The following MEI4 variants were observed in gnomAD, a reference collection of about 807,000 sequenced individuals.
MEI4 encodes the protein meiosis-specific protein MEI4.
Under a neutral mutation model 31.4 loss-of-function variants are expected in MEI4, and 27 were observed. That is an observed-to-expected ratio of 0.86 (90% CI 0.63 to 1.19). The LOEUF (loss-of-function observed/expected upper bound fraction) is 1.19. Among genes scored for constraint, MEI4 ranks in the 50% most tolerant of loss-of-function variants. MEI4 has a pLI of 0.00. For synonymous variants in MEI4, 122 were observed against 145.4 expected (o/e 0.84, Z 1.16); for missense variants, 329 against 398.9 (o/e 0.82, Z 1.49).
chr6:77,875,414 G>T (rs369504682), intron 4 of MEI4, among the ~76,000 whole-genome samples: 1 of 152,164 alleles, frequency 6.6e-6, no homozygotes. Context: ...AGGTCACTAT[G>T]TGATACGTGT....
chr6:77,857,911 G>A (rs1048371647), intron 4 of MEI4, among the ~76,000 whole-genome samples: 1 of 152,188 alleles, frequency 6.6e-6, no homozygotes, highest in Non-Finnish European at 1.5e-5. Context: ...CTTCTGATCA[G>A]ATGTACTCTG....
chr6:77,742,035 T>C (rs1219825262), intron 2 of MEI4, among the ~76,000 whole-genome samples: 1 of 152,050 alleles, frequency 6.6e-6, no homozygotes, highest in Admixed American at 6.5e-5. Flanking sequence ...GACATTTGGC[T>C]TGGTTCCAAG....
intron 3 of MEI4, among the ~76,000 whole-genome samples, chr6:77,793,917 G>A (rs1450336421): frequency 2.0e-5 from 3 of 152,084 alleles, no homozygotes; most frequent in Non-Finnish European, 4.4e-5. Flanking sequence ...TTAACAAAAT[G>A]GAAATAGTAA....
intron 4 of MEI4, among the ~76,000 whole-genome samples, chr6:77,866,538 G>T (rs759380540): frequency 6.6e-6 from 1 of 152,136 alleles, no homozygotes; most frequent in Non-Finnish European, 1.5e-5. Flanking sequence ...AGGACCTCTT[G>T]AAGGAGAACT....
intron 2 of MEI4, among the ~76,000 whole-genome samples, chr6:77,759,021 C>G (rs552574867): frequency 6.6e-6 from 1 of 152,242 alleles, no homozygotes; most frequent in Non-Finnish European, 1.5e-5. Flanking sequence ...CCTGTCTAAT[C>G]GATCAAAACT....
At chr6:77,793,459 C>T (rs1768993096) in intron 3 of MEI4, among the ~76,000 whole-genome samples, 1 of 152,114 alleles carries the variant, frequency 6.6e-6, no homozygotes, top group African/African-American at 2.4e-5. Flanking sequence ...TGATAAAACT[C>T]ACTGGAAAAG....
chr6:77,834,711 T>A (rs1264712127), intron 4 of MEI4, among the ~76,000 whole-genome samples: 1 of 152,068 alleles, frequency 6.6e-6, no homozygotes, highest in South Asian at 2.1e-4. Flanking sequence ...TAAGACTGAT[T>A]AACAAAATTG....
At chr6:77,697,806 A>C (rs1157178065) in intron 2 of MEI4, among the ~76,000 whole-genome samples, 1 of 152,146 alleles carries the variant, frequency 6.6e-6, no homozygotes, top group South Asian at 2.1e-4. Context: ...AGCTGAGTTC[A>C]ATTCCTGGGT....
intron 4 of MEI4, among the ~76,000 whole-genome samples, chr6:77,876,516 TC>T (rs1255252748): frequency 6.6e-6 from 1 of 152,182 alleles, no homozygotes; most frequent in Non-Finnish European, 1.5e-5. Context: ...CAAAAAAACT[TC>T]TGTTCTTTAT....
intron 3 of MEI4, among the ~76,000 whole-genome samples, chr6:77,791,247 C>T (rs1171138946): frequency 6.6e-6 from 1 of 152,068 alleles, no homozygotes; most frequent in African/African-American, 2.4e-5. Flanking sequence ...TTTATTGCGG[C>T]ATTATTCACG....
intron 3 of MEI4, among the ~76,000 whole-genome samples, chr6:77,823,135 C>G (rs535034015): frequency 1.2e-4 from 19 of 152,028 alleles, no homozygotes; most frequent in Admixed American, 2.6e-4. Flanking sequence ...TCCTCCCTTA[C>G]AGGGAATCTT....
At chr6:77,744,266 G>C (rs139073556) in intron 2 of MEI4, among the ~76,000 whole-genome samples, 3,446 of 152,146 alleles carry the variant, frequency 0.023, 131 homozygotes, top group African/African-American at 0.078. Flanking sequence ...ATACAGAGAA[G>C]TACTTAAAGG....
At chr6:77,791,278 A>T (rs543815404) in intron 3 of MEI4, among the ~76,000 whole-genome samples, 1 of 152,294 alleles carries the variant, frequency 6.6e-6, no homozygotes, top group East Asian at 1.9e-4. Flanking sequence ...CTTGGAACCA[A>T]GCGAAATCTC....
chr6:77,913,724 T>A (rs1031740838), intron 4 of MEI4, among the ~76,000 whole-genome samples: 1 of 148,524 alleles, frequency 6.7e-6, no homozygotes, highest in Admixed American at 6.7e-5. Flanking sequence ...TTTGTTTAGT[T>A]TTTTTTTTTT....
At chr6:77,909,445 C>A (rs1361910109) in intron 4 of MEI4, among the ~76,000 whole-genome samples, 1 of 152,106 alleles carries the variant, frequency 6.6e-6, no homozygotes, top group Non-Finnish European at 1.5e-5. Flanking sequence ...TGCAAATAAA[C>A]TAGAAAATGT....
chr6:77,733,589 G>C (rs964924112), intron 2 of MEI4, among the ~76,000 whole-genome samples: 27 of 151,950 alleles, frequency 1.8e-4, no homozygotes, highest in East Asian at 1.7e-3. Flanking sequence ...CTCCTGGATT[G>C]ATTAATTTTT....
At chr6:77,672,005 A>G (rs1174242776) in intron 1 of MEI4, among the ~76,000 whole-genome samples, 1 of 151,614 alleles carries the variant, frequency 6.6e-6, no homozygotes, top group Non-Finnish European at 1.5e-5. Flanking sequence ...ACTGATTCCT[A>G]TCTTTTGTTT....
intron 4 of MEI4, among the ~76,000 whole-genome samples, chr6:77,916,880 T>A (rs1431854520): frequency 6.6e-6 from 1 of 151,786 alleles, no homozygotes; most frequent in Non-Finnish European, 1.5e-5. Context: ...TAACTCGTCA[T>A]CTAGCATTAG....
intron 4 of MEI4, among the ~76,000 whole-genome samples, chr6:77,861,832 A>G (rs1271429948): frequency 6.6e-6 from 1 of 152,194 alleles, no homozygotes; most frequent in Non-Finnish European, 1.5e-5. Flanking sequence ...ACACACAGTA[A>G]ATACTTCATG....
Sources: gnomAD v4.1 joint callset for allele counts (sites outside exome capture counted in the v4.1 genomes callset) on GRCh38, gnomAD v4.1.1 for gene constraint, MANE v1.5 for transcripts, NCBI Gene and HGNC (gene_info 2026-07-23, HGNC 2026-07-21) for gene names.